Variants in MARCHF1 observed in about 807,000 individuals in gnomAD.
MARCHF1 encodes E3 ubiquitin-protein ligase MARCHF1.
Under a neutral mutation model 54.2 loss-of-function variants are expected in MARCHF1, and 40 were observed. The ratio of observed to expected loss-of-function variants is 0.74; its 90% confidence interval spans 0.57 to 0.96. The LOEUF (loss-of-function observed/expected upper bound fraction) is 0.96, where lower values mean the gene tolerates loss of function less well. Among genes scored for constraint, MARCHF1 ranks in the 40% least tolerant of loss-of-function variants. The probability of loss-of-function intolerance (pLI) is 0.00; values close to 1 mark genes in which losing one functional copy is unlikely to be tolerated. For missense variants in MARCHF1, 586 were observed against 656.5 expected (o/e 0.89, Z 1.17); for synonymous variants, 236 against 236.3 (o/e 1.00, Z 0.01).
At chr4:164,247,503 T>G (rs1001627449) in intron 1 of MARCHF1, among the ~76,000 whole-genome samples, 1 of 151,472 alleles carries the variant, frequency 6.6e-6, no homozygotes, top group African/African-American at 2.4e-5. Flanking sequence ...ATATACCTAA[T>G]GCTAGATGAC....
intron 5 of MARCHF1, among the ~76,000 whole-genome samples, chr4:163,622,473 C>T (rs930873824): frequency 1.3e-5 from 2 of 152,102 alleles, no homozygotes; most frequent in Non-Finnish European, 2.9e-5. Flanking sequence ...TCATTTCCCA[C>T]ATCTACAGTA....
At chr4:164,245,560 T>C (rs77952877) in intron 1 of MARCHF1, among the ~76,000 whole-genome samples, 123,580 of 151,114 alleles carry the variant, frequency 0.82, 50,942 homozygotes, top group South Asian at 0.89. Context: ...TGCCCTCTCT[T>C]AGCACTCTTA....
chr4:163,543,707 A>C (rs528781416), intron 9 of MARCHF1, among the ~76,000 whole-genome samples: 1 of 152,190 alleles, frequency 6.6e-6, no homozygotes, highest in Non-Finnish European at 1.5e-5. Flanking sequence ...AATGATTGCT[A>C]TTCAGTCACA....
chr4:164,078,859 T>C (rs1023506269), intron 2 of MARCHF1, among the ~76,000 whole-genome samples: 2 of 152,094 alleles, frequency 1.3e-5, no homozygotes, highest in African/African-American at 4.8e-5. Flanking sequence ...ACATGGCACA[T>C]GTATACATAT....
At chr4:163,952,331 C>A (rs1752150200) in intron 3 of MARCHF1, among the ~76,000 whole-genome samples, 1 of 152,072 alleles carries the variant, frequency 6.6e-6, no homozygotes. Context: ...GGGTAGACTT[C>A]TCTCATATTT....
intron 3 of MARCHF1, among the ~76,000 whole-genome samples, chr4:163,955,717 G>T (rs549446776): frequency 6.6e-5 from 10 of 152,004 alleles, no homozygotes; most frequent in African/African-American, 2.4e-4. Context: ...GAAATTCTTC[G>T]CTTGCAATAG....
intron 2 of MARCHF1, among the ~76,000 whole-genome samples, chr4:164,071,499 TAAG>T (rs1223672278): frequency 3.3e-5 from 5 of 152,146 alleles, no homozygotes; most frequent in Admixed American, 3.3e-4. Flanking sequence ...GTGATATCCT[TAAG>T]AAATACAGCT....
At chr4:164,312,512 C>T (rs1301683030) in intron 1 of MARCHF1, among the ~76,000 whole-genome samples, 1 of 151,710 alleles carries the variant, frequency 6.6e-6, no homozygotes, top group East Asian at 2.0e-4. Context: ...TTAGTAGAGA[C>T]AGGGTTTCAC....
chr4:164,018,970 G>T (rs1033354466), intron 2 of MARCHF1, among the ~76,000 whole-genome samples: 1 of 152,174 alleles, frequency 6.6e-6, no homozygotes, highest in Non-Finnish European at 1.5e-5. Context: ...AAAATTGCCT[G>T]TGATTTTGTG....
At chr4:163,786,484 G>A (rs1476092504) in intron 4 of MARCHF1, among the ~76,000 whole-genome samples, 25 of 151,638 alleles carry the variant, frequency 1.6e-4, no homozygotes, top group Admixed American at 1.6e-3. Flanking sequence ...AATAATAATG[G>A]ACATTACTAA....
At chr4:164,112,310 T>C (rs563105794) in intron 1 of MARCHF1, among the ~76,000 whole-genome samples, 91 of 152,002 alleles carry the variant, frequency 6.0e-4, no homozygotes, top group African/African-American at 2.1e-3. Flanking sequence ...ATCCACTCAA[T>C]AGAAGACATA....
At chr4:163,717,524 G>A (rs1745303196) in intron 4 of MARCHF1, among the ~76,000 whole-genome samples, 1 of 152,096 alleles carries the variant, frequency 6.6e-6, no homozygotes, top group Non-Finnish European at 1.5e-5. Context: ...TAATGGGATG[G>A]CTGGGTCAAA....
At chr4:163,966,356 A>G (rs950073053) in intron 3 of MARCHF1, among the ~76,000 whole-genome samples, 2 of 152,074 alleles carry the variant, frequency 1.3e-5, no homozygotes, top group Non-Finnish European at 1.5e-5. Context: ...TAGCCTGTAA[A>G]TTTTTACCTA....
At chr4:164,292,838 G>T (rs559733423) in intron 1 of MARCHF1, among the ~76,000 whole-genome samples, 44 of 152,222 alleles carry the variant, frequency 2.9e-4, no homozygotes, top group African/African-American at 1.0e-3. Context: ...TGTGAATTTT[G>T]TAATTATTTA....
intron 1 of MARCHF1, among the ~76,000 whole-genome samples, chr4:164,182,831 G>A (rs756451702): frequency 6.6e-6 from 1 of 151,764 alleles, no homozygotes; most frequent in African/African-American, 2.4e-5. Flanking sequence ...GAAAATTTAA[G>A]TTCACATTTT....
chr4:164,366,628 A>G (rs76931772), intron 1 of MARCHF1, among the ~76,000 whole-genome samples: 12,320 of 151,932 alleles, frequency 0.081, 1,071 homozygotes, highest in East Asian at 0.29. Flanking sequence ...AAGGAAAAAT[A>G]TCAGCATAAT....
chr4:164,071,536 A>C (rs987319038), intron 2 of MARCHF1, among the ~76,000 whole-genome samples: 2 of 152,196 alleles, frequency 1.3e-5, no homozygotes, highest in Non-Finnish European at 2.9e-5. Context: ...ATTTAATCAA[A>C]ATATGTATTC....
intron 3 of MARCHF1, among the ~76,000 whole-genome samples, chr4:163,982,200 A>C (rs1031128551): frequency 3.3e-5 from 5 of 152,338 alleles, no homozygotes; most frequent in Admixed American, 6.5e-5. Flanking sequence ...CTCTAAGCAC[A>C]TGGGACTCTA....
chr4:164,145,069 TAGA>T (rs1367202220), intron 1 of MARCHF1, among the ~76,000 whole-genome samples: 1 of 144,550 alleles, frequency 6.9e-6, no homozygotes, highest in African/African-American at 2.6e-5. Flanking sequence ...CTAGAAAATC[TAGA>T]AGAAATGGAT....
Sources: allele counts gnomAD v4.1 joint callset (sites outside exome capture counted in the v4.1 genomes callset), GRCh38; gene constraint gnomAD v4.1.1; transcripts MANE v1.5; gene names NCBI Gene and HGNC (gene_info 2026-07-23, HGNC 2026-07-21).